PYGB: variants seen among roughly 807,000 people sequenced by gnomAD.
The protein encoded by PYGB is glycogen phosphorylase, brain form.
PYGB carries 82 observed loss-of-function variants against 94.3 expected under a neutral mutation model. The ratio of observed to expected loss-of-function variants is 0.87; its 90% CI spans 0.73 to 1.04. PYGB has a LOEUF of 1.04. Ranked by LOEUF, PYGB falls within the 50% of genes least tolerant of loss-of-function variation. The pLI, the probability that PYGB is intolerant of heterozygous loss-of-function variation, is 0.00. For missense variants in PYGB, 1,132 were observed against 1,158.2 expected, an observed-to-expected ratio of 0.98 and a Z score of 0.33; for synonymous variants, 488 against 479.1, an observed-to-expected ratio of 1.02 and a Z score of -0.24.
intron 4 of PYGB, among the ~76,000 whole-genome samples, chr20:25,272,168 T>C (rs540102341): frequency 6.6e-6 from 1 of 152,328 alleles, no homozygotes; most frequent in South Asian, 2.1e-4. Flanking sequence ...ACTATTCCAT[T>C]CGGTTAGAAA....
chr20:25,269,236 C>A, intron 3 of PYGB, 29 bp downstream of exon 3: 1 of 1,522,634 alleles, frequency 6.6e-7, no homozygotes, highest in East Asian at 2.3e-5. Flanking sequence ...GAGGAGCTCT[C>A]TCGGACCCGT....
chr20:25,282,949 G>A (rs559010300), intron 12 of PYGB, among the ~76,000 whole-genome samples: 2 of 152,288 alleles, frequency 1.3e-5, no homozygotes, highest in Admixed American at 6.5e-5. Flanking sequence ...TCCTGTGGAC[G>A]TTTGAACTGG....
chr20:25,268,422 T>A (rs2088238564), intron 2 of PYGB, among the ~76,000 whole-genome samples: 1 of 152,130 alleles, frequency 6.6e-6, no homozygotes, highest in Non-Finnish European at 1.5e-5. Flanking sequence ...GTTGTTTATG[T>A]TCATAAACAT....
At chr20:25,248,793 TC>T (rs2092879123) in intron 1 of PYGB, among the ~76,000 whole-genome samples, 1 of 152,256 alleles carries the variant, frequency 6.6e-6, no homozygotes, top group Admixed American at 6.5e-5. Context: ...CTCTTTGTTT[TC>T]CTGCAGCAGC....
intron 1 of PYGB, 52 bp downstream of exon 1, chr20:25,248,473 C>T: frequency 7.7e-7 from 1 of 1,301,838 alleles, no homozygotes; most frequent in Non-Finnish European, 9.8e-7. Flanking sequence ...GGGCGCCGGT[C>T]CCGGAGCCGC....
At chr20:25,277,362 T>A (rs2088322568) in intron 7 of PYGB, 36 bp downstream of exon 7, 3 of 1,520,094 alleles carry the variant, frequency 2.0e-6, no homozygotes. Flanking sequence ...GCTCAGGCCG[T>A]ATCGCTTTCT....
At chr20:25,294,698 G>A (rs1460174333) in intron 18 of PYGB, 1 of 601,406 alleles carries the variant, frequency 1.7e-6, no homozygotes, top group Non-Finnish European at 3.0e-6. Flanking sequence ...AGGCGTCAGT[G>A]CCAGTGACAG....
At chr20:25,251,065 G>A (rs1481769078) in intron 1 of PYGB, 1 of 152,216 alleles carries the variant, frequency 6.6e-6, no homozygotes, top group Non-Finnish European at 1.5e-5. Context: ...AGTAGAAGTT[G>A]GGGTGTTCAG....
chr20:25,294,043 T>C (rs2088501074), intron 17 of PYGB, 115 bp from the exon 18 acceptor site: 10 of 1,442,446 alleles, frequency 6.9e-6, no homozygotes, highest in Non-Finnish European at 8.4e-6. Flanking sequence ...CGTGCAGGCC[T>C]TGAGCTCCCA....
chr20:25,274,557 C>T lies in PYGB; in HGVS notation c.529-35C>T, dbSNP rs201847086. On this transcript the variant is annotated intron_variant, in intron 4 of 19. Transcript: ENST00000216962. ...ACAGGGCGGTGGCCTGGGACATCTG[C>T]GCTGAGGGTGCCCTCACAGCTGGCT... 5.7e-5 allele frequency: 92 copies of T among 1,604,440 alleles called. No homozygotes were observed. The African/African-American group carries it at 9.1e-4, about 16-fold the overall frequency.
chr20:25,255,819 C>T (rs1323710861), intron 1 of PYGB, among the ~76,000 whole-genome samples: 2 of 151,950 alleles, frequency 1.3e-5, no homozygotes, highest in Admixed American at 6.5e-5. Flanking sequence ...CTGCAACCTC[C>T]GCCTCCCGGG....
At chr20:25,288,538 TG>T in intron 15 of PYGB, 55 bp downstream of exon 15, 1 of 1,580,180 alleles carries the variant, frequency 6.3e-7, no homozygotes, top group Non-Finnish European at 8.7e-7. Flanking sequence ...GGATAGTGGG[TG>T]GGCAGCCTGC....
intron 18 of PYGB, chr20:25,294,815 C>G: frequency 2.6e-6 from 2 of 773,520 alleles, no homozygotes; most frequent in South Asian, 2.8e-5. Flanking sequence ...GAGTTACAGA[C>G]TTTGTAAGGT....
chr20:25,267,186 A>G (rs1024234018), intron 2 of PYGB, among the ~76,000 whole-genome samples: 20 of 152,368 alleles, frequency 1.3e-4, no homozygotes, highest in Non-Finnish European at 2.2e-4. Flanking sequence ...CACATGGCAC[A>G]ACATGGATGA....
chr20:25,287,048 C>T (rs866264676), intron 14 of PYGB, among the ~76,000 whole-genome samples: 18 of 152,238 alleles, frequency 1.2e-4, no homozygotes, highest in Non-Finnish European at 1.5e-4. Context: ...CACCCAGGCC[C>T]GGCTCGCTGG....
chr20:25,250,916 A>C (rs568423003), intron 1 of PYGB: 1 of 152,214 alleles, frequency 6.6e-6, no homozygotes, highest in African/African-American at 2.4e-5. Context: ...TCTATCGCCC[A>C]CTTTGTGCTG....
intron 12 of PYGB, among the ~76,000 whole-genome samples, chr20:25,282,575 C>T (rs551690412): frequency 6.6e-6 from 1 of 152,372 alleles, no homozygotes; most frequent in South Asian, 2.1e-4. Flanking sequence ...GGACCGCCCA[C>T]CTGGGGCTAT....
chr20:25,255,907 A>G (rs1440179006), intron 1 of PYGB, among the ~76,000 whole-genome samples: 1 of 151,974 alleles, frequency 6.6e-6, no homozygotes, highest in Non-Finnish European at 1.5e-5. Context: ...CTAGTTTTGT[A>G]TTTTTAGTAG....
At chr20:25,279,240 C>T (rs1031536343) in intron 9 of PYGB, 91 bp downstream of exon 9, 1 of 1,355,626 alleles carries the variant, frequency 7.4e-7, no homozygotes, top group Non-Finnish European at 1.0e-6. Context: ...GGCCTCTTCC[C>T]TGGCCTTGGG....
Sources: gnomAD v4.1 joint callset for allele counts (sites outside exome capture counted in the v4.1 genomes callset) on GRCh38, gnomAD v4.1.1 for gene constraint, MANE v1.5 for transcripts, NCBI Gene and HGNC (gene_info 2026-07-23, HGNC 2026-07-21) for gene names.